The following MEI4 variants were observed in gnomAD, a reference collection of about 807,000 sequenced individuals.
MEI4 encodes the protein meiotic double-stranded break formation protein 4.
In MEI4, 27 loss-of-function variants were observed where a neutral mutation model predicts 31.4. The ratio of observed to expected loss-of-function variants is 0.86; its 90% CI spans 0.63 to 1.19. The LOEUF is 1.19. Ranked by LOEUF, MEI4 falls within the 50% of genes most tolerant of loss-of-function variation. The pLI is 0.00. For synonymous variants in MEI4, 122 were observed against 145.4 expected, an observed-to-expected ratio of 0.84 and a Z score of 1.16; for missense variants, 329 against 398.9, an observed-to-expected ratio of 0.82 and a Z score of 1.49.
chr6:77,829,219 C>T (rs765281714), intron 4 of MEI4, among the ~76,000 whole-genome samples, 157 bp downstream of exon 4: 8 of 152,066 alleles, frequency 5.3e-5, no homozygotes, highest in Non-Finnish European at 7.4e-5. Flanking sequence ...ACCAAAATTA[C>T]AGAAAGATAC....
chr6:77,800,010 A>C (rs562700746), intron 3 of MEI4, among the ~76,000 whole-genome samples: 25 of 152,226 alleles, frequency 1.6e-4, no homozygotes, highest in African/African-American at 4.1e-4. Flanking sequence ...ACTTTAAAGT[A>C]GTTTTTTCCA....
chr6:77,830,895 G>A (rs564566659), intron 4 of MEI4, among the ~76,000 whole-genome samples: 3 of 151,874 alleles, frequency 2.0e-5, no homozygotes, highest in South Asian at 4.2e-4. Context: ...AGCAAAAATA[G>A]ACAAATGAGA....
intron 4 of MEI4, among the ~76,000 whole-genome samples, chr6:77,885,651 T>G (rs1771601733): frequency 6.6e-6 from 1 of 152,200 alleles, no homozygotes; most frequent in African/African-American, 2.4e-5. Flanking sequence ...CCAATTTGGA[T>G]ACATTTTATT....
chr6:77,824,604 A>C (rs1399592113), intron 3 of MEI4, among the ~76,000 whole-genome samples: 1 of 151,742 alleles, frequency 6.6e-6, no homozygotes, highest in Non-Finnish European at 1.5e-5. Context: ...TTATCCTGTA[A>C]GTTCTTTATG....
upstream of MEI4, among the ~76,000 whole-genome samples, chr6:77,652,388 T>C (rs113266246): frequency 1.5e-4 from 23 of 152,260 alleles, no homozygotes; most frequent in African/African-American, 5.1e-4. Context: ...TTGCAAGTGG[T>C]CTTAAGGTTT....
At chr6:77,918,284 G>A (rs1468724993) in intron 4 of MEI4, among the ~76,000 whole-genome samples, 5 of 149,672 alleles carry the variant, frequency 3.3e-5, no homozygotes, top group Non-Finnish European at 7.4e-5. Flanking sequence ...CTTTAAAGTA[G>A]TTTTTTCCAA....
At chr6:77,913,964 G>T (rs1306736006) in intron 4 of MEI4, among the ~76,000 whole-genome samples, 2 of 151,008 alleles carry the variant, frequency 1.3e-5, no homozygotes, top group African/African-American at 4.9e-5. Context: ...AATCCAGGAG[G>T]TGGAGCTTGC....
intron 4 of MEI4, among the ~76,000 whole-genome samples, chr6:77,865,271 CA>C (rs1261393122): frequency 2.0e-5 from 3 of 151,918 alleles, no homozygotes; most frequent in African/African-American, 7.2e-5. Flanking sequence ...AAAAACCCTT[CA>C]AAAAATCAAT....
intron 2 of MEI4, among the ~76,000 whole-genome samples, chr6:77,724,922 A>G (rs1024175382): frequency 6.9e-6 from 1 of 145,202 alleles, no homozygotes; most frequent in African/African-American, 2.6e-5. Flanking sequence ...TTTCATTACA[A>G]TCTATTATAC....
At chr6:77,791,850 A>AT (rs1768945828) in intron 3 of MEI4, among the ~76,000 whole-genome samples, 1 of 152,074 alleles carries the variant, frequency 6.6e-6, no homozygotes, top group Admixed American at 6.6e-5. Context: ...TAGTATAACC[A>AT]TTTTTACAAT....
At chr6:77,673,251 A>ATAG (rs750887781) in intron 1 of MEI4, among the ~76,000 whole-genome samples, 25 of 152,092 alleles carry the variant, frequency 1.6e-4, no homozygotes, top group Admixed American at 2.6e-4. Context: ...TATGGCTGTA[A>ATAG]TAGTAGTAGT....
intron 4 of MEI4, among the ~76,000 whole-genome samples, chr6:77,885,581 G>T (rs1057283158): frequency 2.6e-5 from 4 of 151,758 alleles, no homozygotes; most frequent in African/African-American, 9.7e-5. Flanking sequence ...GAGTTGTTAG[G>T]TTTTTTTTAA....
At chr6:77,717,048 T>G (rs1766598430) in intron 2 of MEI4, among the ~76,000 whole-genome samples, 1 of 144,762 alleles carries the variant, frequency 6.9e-6, no homozygotes, top group South Asian at 2.3e-4. Context: ...GAGAAAGAAA[T>G]AAGGGGACCC....
intron 2 of MEI4, among the ~76,000 whole-genome samples, chr6:77,695,030 T>C (rs1002110918): frequency 1.1e-3 from 168 of 152,314 alleles, no homozygotes; most frequent in Non-Finnish European, 1.9e-3. Context: ...TGAGCATTTT[T>C]TCATATGTCT....
intron 4 of MEI4, among the ~76,000 whole-genome samples, chr6:77,864,486 G>C (rs1204625818): frequency 6.6e-6 from 1 of 151,828 alleles, no homozygotes; most frequent in Non-Finnish European, 1.5e-5. Context: ...GACAAAGAAG[G>C]CCATTACATA....
intron 2 of MEI4, among the ~76,000 whole-genome samples, chr6:77,691,281 A>C (rs542425370): frequency 6.6e-6 from 1 of 152,172 alleles, no homozygotes; most frequent in South Asian, 2.1e-4. Context: ...AGGACTCCAA[A>C]ACACATAAAA....
intron 2 of MEI4, among the ~76,000 whole-genome samples, chr6:77,747,512 C>T (rs1767646902): frequency 6.6e-6 from 1 of 151,942 alleles, no homozygotes; most frequent in Non-Finnish European, 1.5e-5. Flanking sequence ...CTTATAAAAC[C>T]ATCAGATCTC....
chr6:77,650,548 C>G (rs987960898), upstream of MEI4, among the ~76,000 whole-genome samples: 2 of 152,192 alleles, frequency 1.3e-5, no homozygotes, highest in Non-Finnish European at 2.9e-5. Flanking sequence ...CGCTTGAGGG[C>G]GCCCTCCCCC....
intron 4 of MEI4, among the ~76,000 whole-genome samples, chr6:77,856,362 G>C (rs867953644): frequency 8.5e-5 from 13 of 152,106 alleles, no homozygotes; most frequent in Middle Eastern, 3.4e-3. Flanking sequence ...ACTAAACTCA[G>C]GTGCCTATCT....
Sources: allele counts gnomAD v4.1 joint callset (sites outside exome capture counted in the v4.1 genomes callset), GRCh38; gene constraint gnomAD v4.1.1; transcripts MANE v1.5; gene names NCBI Gene and HGNC (gene_info 2026-07-23, HGNC 2026-07-21).